The following KCNG2 variants were observed in gnomAD, a reference collection of about 807,000 sequenced individuals.
KCNG2 encodes voltage-gated potassium channel regulatory subunit KCNG2.
Under a neutral mutation model 12.3 loss-of-function variants are expected in KCNG2, and 7 were observed. The ratio of observed to expected loss-of-function variants is 0.57; its 90% CI spans 0.32 to 1.07. KCNG2 has a LOEUF of 1.07. KCNG2 is among the 50% of genes least tolerant of loss of function. The probability of loss-of-function intolerance (pLI) is 0.04; values close to 1 mark genes in which losing one functional copy is unlikely to be tolerated. For missense variants in KCNG2, 703 were observed against 726.0 expected, an observed-to-expected ratio of 0.97 and a Z score of 0.36; for synonymous variants, 414 against 351.4, an observed-to-expected ratio of 1.18 and a Z score of -1.99.
chr18:79,847,555 T>A (rs539315212), intron 1 of KCNG2, among the ~76,000 whole-genome samples: 1 of 152,346 alleles, frequency 6.6e-6, no homozygotes, highest in Non-Finnish European at 1.5e-5. Context: ...CCCCACTAAC[T>A]GCAAAGCACC....
chr18:79,819,468 G>A (rs1162623653), intron 1 of KCNG2, among the ~76,000 whole-genome samples: 7 of 152,212 alleles, frequency 4.6e-5, no homozygotes, highest in South Asian at 2.1e-4. Flanking sequence ...CCTGGGCACC[G>A]GACCCTCCTG....
rs1163917206 is a variant in KCNG2, at chr18:79,829,260, CTG to C, written c.-114-27112_-114-27111del. 4.8e-5 allele frequency among the ~76,000 whole-genome samples: 7 copies of C among 146,890 alleles called. No individual in the cohort carries two copies. In the East Asian group the frequency reaches 6.2e-4, roughly 13 times the overall value. On this transcript the variant is annotated intron_variant, in intron 1 of 3. Coordinates refer to ENST00000316249, the MANE Select transcript of KCNG2 (RefSeq NM_012283.2). The stretch of plus-strand genomic sequence containing the variant: ...GTGTGTAATGTGTCTGCGTGTGTGT[CTG>C]TGTGTGCATGTGTCTGTGTGTGTGT...
chr18:79,890,646 GTGGC>G (rs374660737), intron 3 of KCNG2, among the ~76,000 whole-genome samples: 9 of 152,338 alleles, frequency 5.9e-5, no homozygotes, highest in African/African-American at 2.2e-4. Flanking sequence ...CGTTCTTTCT[GTGGC>G]TGTGGATATT....
intron 1 of KCNG2, among the ~76,000 whole-genome samples, chr18:79,805,878 C>G (rs1420102529): frequency 6.7e-6 from 1 of 149,266 alleles, no homozygotes; most frequent in Non-Finnish European, 1.5e-5. Context: ...CACACACACA[C>G]ACGTGCACAC....
intron 1 of KCNG2, among the ~76,000 whole-genome samples, chr18:79,799,012 A>G (rs1211933046): frequency 6.6e-6 from 1 of 152,130 alleles, no homozygotes; most frequent in Admixed American, 6.5e-5. Context: ...AGGGTCTGGG[A>G]GCAATTCGAC....
chr18:79,815,687 G>A (rs2087523540), intron 1 of KCNG2, among the ~76,000 whole-genome samples: 1 of 152,174 alleles, frequency 6.6e-6, no homozygotes, highest in African/African-American at 2.4e-5. Flanking sequence ...ATTCTGTCTG[G>A]AGCAGATTTC....
rs536467604 is a variant in KCNG2 at position 79,889,581 on chromosome 18, T to C, written c.625-9459T>C. ...TGTATAGAGATAAAATGGATTGTTG[T>C]CGCATATTCTACAACCTTGTTGAAC... On this transcript the variant is annotated intron_variant, in intron 3 of 3. Coordinates refer to ENST00000316249, the MANE Select transcript of KCNG2 (RefSeq NM_012283.2). Among the ~76,000 whole-genome samples, 4 of 152,374 alleles carry C rather than the reference T, an allele frequency of 2.6e-5. No individual in the cohort carries two copies. In the South Asian group the frequency reaches 8.3e-4, roughly 32 times the overall value.
rs180892164 is a variant in KCNG2, at chr18:79,832,141, C to T, written c.-114-24238C>T. 3.5e-3 allele frequency among the ~76,000 whole-genome samples: 535 copies of T among 152,286 alleles called. 1 individual carries two copies. The highest frequency in any genetic ancestry group is 6.0e-3 in the Non-Finnish European group (410 of 68,018). ...ACATCTATCCGCTGCTCATAGCTTGCCCGTCCTCACCCATGAGACCTCAGC... is the reference window on the plus strand; with the variant it reads ...ACATCTATCCGCTGCTCATAGCTTGTCCGTCCTCACCCATGAGACCTCAGC... On this transcript the variant is annotated intron_variant, in intron 1 of 3. Coordinates refer to ENST00000316249, the MANE Select transcript of KCNG2 (RefSeq NM_012283.2).
intron 1 of KCNG2, among the ~76,000 whole-genome samples, chr18:79,849,708 C>A (rs1464316303): frequency 1.3e-5 from 2 of 152,246 alleles, no homozygotes; most frequent in Admixed American, 6.5e-5. Context: ...AGGCTGGGGC[C>A]ACCGGAAGCC....
intron 1 of KCNG2, among the ~76,000 whole-genome samples, chr18:79,850,168 G>T (rs1029155799): frequency 2.1e-4 from 32 of 152,024 alleles, no homozygotes; most frequent in African/African-American, 7.2e-4. Flanking sequence ...CCCTCCCTCT[G>T]TCTAATCACA....
At chr18:79,855,566 A>AC (rs1296033085) in intron 1 of KCNG2, among the ~76,000 whole-genome samples, 3 of 151,490 alleles carry the variant, frequency 2.0e-5, no homozygotes, top group Non-Finnish European at 4.4e-5. Flanking sequence ...TTCCAGCCTC[A>AC]CCCCACTGTG....
chr18:79,896,726 C>T (rs974015781), intron 3 of KCNG2, among the ~76,000 whole-genome samples: 3 of 152,186 alleles, frequency 2.0e-5, no homozygotes, highest in African/African-American at 4.8e-5. Flanking sequence ...TTGCTTTCAG[C>T]CTGAAGAACT....
chr18:79,873,995 C>T (rs2123095972), intron 3 of KCNG2, among the ~76,000 whole-genome samples: 1 of 152,368 alleles, frequency 6.6e-6, no homozygotes, highest in Admixed American at 6.5e-5. Context: ...CCGAGGACAG[C>T]TGCCTGCCCC....
intron 1 of KCNG2, among the ~76,000 whole-genome samples, chr18:79,844,490 T>C (rs1347567800): frequency 1.3e-5 from 2 of 152,202 alleles, no homozygotes; most frequent in Non-Finnish European, 2.9e-5. Context: ...ATGGTGACTA[T>C]AGCTAATAAT....
intron 1 of KCNG2, among the ~76,000 whole-genome samples, chr18:79,848,211 C>A (rs191210702): frequency 1.3e-4 from 20 of 152,320 alleles, no homozygotes; most frequent in Non-Finnish European, 1.5e-5. Flanking sequence ...GACGCATATG[C>A]TTCTAAGTAG....
chr18:79,844,521 T>C (rs990223755), intron 1 of KCNG2, among the ~76,000 whole-genome samples: 1 of 152,184 alleles, frequency 6.6e-6, no homozygotes, highest in African/African-American at 2.4e-5. Flanking sequence ...ATACTTGAAT[T>C]TTTCTAAGAC....
intron 3 of KCNG2, among the ~76,000 whole-genome samples, chr18:79,871,776 C>T (rs1036202152): frequency 1.3e-5 from 2 of 152,200 alleles, no homozygotes; most frequent in Admixed American, 6.5e-5. Context: ...GCAGAGGGGC[C>T]GGCATCACAT....
rs145362595 is a variant in KCNG2, at chr18:79,837,192, C to A, written c.-114-19187C>A. On this transcript the variant is annotated intron_variant, in intron 1 of 3. Coordinates refer to ENST00000316249, the MANE Select transcript of KCNG2 (RefSeq NM_012283.2). ...CATGCAAATCCAAAACCCAGCAGGT[C>A]AGCCATTAAATCTTAAGGCTCTGAG... 2.1e-3 allele frequency among the ~76,000 whole-genome samples: 322 copies of A among 152,344 alleles called. 1 individual carries two copies. The highest frequency in any genetic ancestry group is 7.4e-3 in the African/African-American group (308 of 41,572).
chr18:79,834,540 G>C (rs543153537), intron 1 of KCNG2, among the ~76,000 whole-genome samples: 38 of 152,188 alleles, frequency 2.5e-4, no homozygotes, highest in Non-Finnish European at 5.4e-4. Flanking sequence ...AGTGGGACCG[G>C]GGTCCACCGA....
Sources: gnomAD v4.1 joint callset for allele counts (sites outside exome capture counted in the v4.1 genomes callset) on GRCh38, gnomAD v4.1.1 for gene constraint, MANE v1.5 for transcripts, NCBI Gene and HGNC (gene_info 2026-07-23, HGNC 2026-07-21) for gene names.